The following KIF19 variants were observed in gnomAD, a reference collection of about 807,000 sequenced individuals.
The protein encoded by KIF19 is kinesin-like protein KIF19.
A neutral mutation model predicts 106.6 loss-of-function variants in KIF19; 98 were observed. The observed-to-expected ratio is 0.92, with a 90% confidence interval of 0.78 to 1.09. The LOEUF (loss-of-function observed/expected upper bound fraction) is 1.09, where lower values mean the gene tolerates loss of function less well. Among genes scored for constraint, KIF19 ranks in the 50% least tolerant of loss-of-function variants. The pLI is 0.00. For synonymous variants in KIF19, 516 were observed against 584.2 expected (o/e 0.88, Z 1.68); for missense variants, 1,373 against 1,414.3 (o/e 0.97, Z 0.47).
chr17:74,353,070 AG>A (rs2054765237), intron 15 of KIF19, 116 bp downstream of exon 15: 4 of 1,438,826 alleles, frequency 2.8e-6, no homozygotes, highest in Non-Finnish European at 2.9e-6. Context: ...CAGGTGGCCC[AG>A]GTCTGGAGCC....
chr17:74,330,728 T>G (rs923995813), intron 2 of KIF19, among the ~76,000 whole-genome samples: 1 of 152,208 alleles, frequency 6.6e-6, no homozygotes, highest in Non-Finnish European at 1.5e-5. Context: ...GGGCTCCCTC[T>G]CTGGGTCTGG....
chr17:74,346,786 G>A lies in KIF19; in HGVS notation c.924+262G>A, dbSNP rs374906257. 1.3e-5 allele frequency among the ~76,000 whole-genome samples: 2 copies of A among 152,228 alleles called. No individual in the cohort carries two copies. The highest frequency in any genetic ancestry group is 1.9e-4 in the East Asian group (1 of 5,204). On this transcript the variant is annotated intron_variant, in intron 8 of 19. Coordinates refer to ENST00000389916, the MANE Select transcript of KIF19 (RefSeq NM_153209.4). The surrounding 1 kb of genome is among the most constrained non-coding windows in gnomAD (Gnocchi z 4.6). ...AAAGGCTGGGCAATGGGAAGGAAAA[G>A]GAGCACGTGATACCCCCACCCAGGG... is the stretch of plus-strand genomic sequence containing the variant.
rs1229967317 is a variant in KIF19 at position 74,343,066 on chromosome 17, C to T, written c.362C>T (p.Pro121Leu). 6.2e-6 allele frequency: 10 copies of T among 1,613,024 alleles called. No homozygotes were observed. The highest frequency in any genetic ancestry group is 7.6e-6 in the Non-Finnish European group (9 of 1,179,754). Residue 121 changes from proline (P) to leucine (L), a missense_variant, in exon 5 of 20, where the codon CCT becomes CTT. Pro to Leu is a moderately conservative substitution (Grantham distance 98, BLOSUM62 -3). Transcript: ENST00000389916. ...TYTMLGTDQE[P>L]GIYVQTLNDL... Reference sequence around the variant, plus strand: ...ACCATGCTGGGCACAGACCAGGAGCCTGGCATCTATGTTCAGACCCTCAAC... The same window carrying T: ...ACCATGCTGGGCACAGACCAGGAGCTTGGCATCTATGTTCAGACCCTCAAC...
In KIF19 at chr17:74,339,286, GGCCCCAGTCC is replaced by G. The variant is rs200568097; in HGVS notation, c.121-2589_121-2580del. 3.7e-3 allele frequency among the ~76,000 whole-genome samples: 561 copies of G among 152,004 alleles called. 5 individuals are homozygous for G. Among genetic ancestry groups the G allele is most frequent in the African/African-American group, 0.013 (538 of 41,528 alleles). The stretch of plus-strand genomic sequence containing the variant: ...GCACCAGCTGGGACCCAGACTGCCA[GGCCCCAGTCC>G]TGGCTCTGCCATTTCCTAGCAACAT... On this transcript the variant is annotated intron_variant, in intron 2 of 19. Coordinates refer to ENST00000389916, the MANE Select transcript of KIF19 (RefSeq NM_153209.4).
At position 74,353,474 on chromosome 17, in the gene KIF19, C is replaced by G. The variant is rs1468845566; in HGVS notation, c.2221-20C>G. On this transcript the variant is annotated intron_variant, in intron 16 of 19. Transcript: ENST00000389916. ...TGCTGTGTTTAAGGGTTTCCTCCTC[C>G]CAACCACTCCACCCCACAGGCCCCG... is the stretch of plus-strand genomic sequence containing the variant. 1 of 1,611,230 alleles carries G rather than the reference C, an allele frequency of 6.2e-7. No individual in the cohort carries two copies. Among genetic ancestry groups the G allele is most frequent in the East Asian group, 2.2e-5 (1 of 44,886 alleles).
rs1162257121 is a variant in KIF19 at position 74,352,086 on chromosome 17, C to T, written c.1807C>T (p.His603Tyr). ...RHEAVRRLEQ[H>Y]RSLCDEIIQG... Reference sequence around the variant, plus strand: ...CGAGGCCGTGCGCCGCCTGGAGCAGCACCGCAGTCTCTGCGACGAGATTAT... The same window carrying T: ...CGAGGCCGTGCGCCGCCTGGAGCAGTACCGCAGTCTCTGCGACGAGATTAT... The change falls in exon 13 of 20, where the codon CAC becomes TAC. Residue 603 changes from histidine (H) to tyrosine (Y), a missense_variant. By Grantham distance (83) the His-to-Tyr change is moderately conservative. Coordinates refer to ENST00000389916, the MANE Select transcript of KIF19 (RefSeq NM_153209.4). 1 of 1,590,812 alleles carries T rather than the reference C, an allele frequency of 6.3e-7. No homozygotes were observed. Among genetic ancestry groups the T allele is most frequent in the Non-Finnish European group, 8.6e-7 (1 of 1,169,122 alleles).
chr17:74,341,840 C>G, intron 2 of KIF19, 36 bp from the exon 3 acceptor site: 1 of 1,502,776 alleles, frequency 6.7e-7, no homozygotes, highest in South Asian at 1.1e-5. Flanking sequence ...CCGGGGTTCC[C>G]AGGTGACCGT....
rs1388199802 is a variant in KIF19, at chr17:74,341,888, A to G, written c.133A>G (p.Met45Val). 4 of 1,613,510 alleles carry G rather than the reference A, an allele frequency of 2.5e-6. No individual in the cohort carries two copies. The highest frequency in any genetic ancestry group is 2.2e-5 in the South Asian group (2 of 91,086). Residue 45 changes from methionine to valine, a missense_variant, in exon 3 of 20, where the codon ATG (methionine) becomes GTG (valine). Met to Val is a conservative substitution (Grantham distance 21). Around this residue, in one of 3 missense-constraint regions of KIF19, gnomAD observed 348 missense variants for 389.5 expected, o/e 0.89. Coordinates refer to ENST00000389916, the MANE Select transcript of KIF19 (RefSeq NM_153209.4). Reference sequence around the variant, plus strand: ...GGGGACCTTGCAGATGGTGGTTCTCATGGACCCAATGGAGGATCCCGACGA... The same window carrying G: ...GGGGACCTTGCAGATGGTGGTTCTCGTGGACCCAATGGAGGATCCCGACGA... ...HKVDEQMVVL[M>V]DPMEDPDDIL...
chr17:74,341,321 A>C (rs889275027), intron 2 of KIF19, among the ~76,000 whole-genome samples: 2 of 152,166 alleles, frequency 1.3e-5, no homozygotes, highest in African/African-American at 4.8e-5. Flanking sequence ...CGTCTCAAAA[A>C]TAAATAAATA....
In KIF19 at chr17:74,341,883, T is replaced by C. The variant is rs367793373; in HGVS notation, c.128T>C (p.Val43Ala). The C allele has an allele frequency of 1.6e-4, 265 of 1,613,376 alleles. No homozygotes were observed. The highest frequency in any genetic ancestry group is 2.2e-4 in the Non-Finnish European group (255 of 1,179,638). The change falls in exon 3 of 20, where the codon GTT (valine) becomes GCT (alanine). Residue 43 changes from valine (V) to alanine (A), a missense_variant. By Grantham distance (64) the Val-to-Ala change is moderately conservative. Around this residue, in one of 3 missense-constraint regions of KIF19, gnomAD observed 348 missense variants for 389.5 expected, o/e 0.89. Transcript: ENST00000389916. ...CCTCTGGGGACCTTGCAGATGGTGG[T>C]TCTCATGGACCCAATGGAGGATCCC... ...IAHKVDEQMVVLMDPMEDPDD... is the reference protein window; with the variant it reads ...IAHKVDEQMVALMDPMEDPDD...
At chr17:74,344,643 C>T in intron 6 of KIF19, 118 bp from the exon 7 acceptor site, 2 of 1,111,868 alleles carry the variant, frequency 1.8e-6, no homozygotes, top group Non-Finnish European at 2.5e-6. Flanking sequence ...CCCACTCCAG[C>T]CTGCCCTTTC....
At position 74,352,806 on chromosome 17, in the gene KIF19, C is replaced by G. The variant is rs775869041; in HGVS notation, c.1981-15C>G. Reference sequence around the variant, plus strand: ...CAAATCTTCTAACTGTCCACCCTGGCTCCCTCCTCCCCAGGACAGCTCCTT... The same window carrying G: ...CAAATCTTCTAACTGTCCACCCTGGGTCCCTCCTCCCCAGGACAGCTCCTT... On this transcript the variant is annotated splice_polypyrimidine_tract_variant and intron_variant, in intron 14 of 19. Transcript: ENST00000389916. 1 of 1,613,864 alleles carries G rather than the reference C, an allele frequency of 6.2e-7. No homozygotes were observed. Among genetic ancestry groups the G allele is most frequent in the Admixed American group, 1.7e-5 (1 of 60,022 alleles).
rs1002385801 is a variant in KIF19, at chr17:74,349,124, G to T, written c.1048-60G>T. 5.8e-5 allele frequency: 92 copies of T among 1,587,724 alleles called. No individual in the cohort carries two copies. In the Admixed American group the frequency reaches 1.5e-3, roughly 27 times the overall value. On this transcript the variant is annotated intron_variant, in intron 9 of 19. Coordinates refer to ENST00000389916, the MANE Select transcript of KIF19 (RefSeq NM_153209.4). Reference sequence around the variant, plus strand: ...GGGGGAAGAAAGGCCCTGCAGGCAGGCCTCGGTGAGTGCACCTGGGGTGAC... The same window carrying T: ...GGGGGAAGAAAGGCCCTGCAGGCAGTCCTCGGTGAGTGCACCTGGGGTGAC...
In KIF19 at chr17:74,346,484, A is replaced by G. The variant is rs2054534689; in HGVS notation, c.884A>G (p.Tyr295Cys). 1.3e-6 allele frequency: 2 copies of G among 1,552,356 alleles called. No homozygotes were observed. The highest frequency in any genetic ancestry group is 1.7e-6 in the Non-Finnish European group (2 of 1,147,626). Residue 295 changes from tyrosine to cysteine, a missense_variant, in exon 8 of 20, where the codon TAC becomes TGC. Coordinates refer to ENST00000389916, the MANE Select transcript of KIF19 (RefSeq NM_153209.4). This position sits in a 1 kb window ranked among gnomAD's most constrained non-coding sequence, Gnocchi z 4.6. ...CTGAGCGACAAGGGTAGCAACAAGTACATCAACTATCGCGACAGCAAGCTC... is the reference window on the plus strand; with the variant it reads ...CTGAGCGACAAGGGTAGCAACAAGTGCATCAACTATCGCGACAGCAAGCTC... ...NALSDKGSNKYINYRDSKLTR... is the reference protein window; with the variant it reads ...NALSDKGSNKCINYRDSKLTR...
In KIF19 at chr17:74,350,445, G is replaced by A. The variant is rs755794426; in HGVS notation, c.1258G>A (p.Gly420Arg). 1.9e-6 allele frequency: 3 copies of A among 1,608,826 alleles called. No individual in the cohort carries two copies. The highest frequency in any genetic ancestry group is 2.5e-6 in the Non-Finnish European group (3 of 1,178,456). ...CGGGCAGGGTGAGAAGGCTGGCATG[G>A]GACAGCTTCGGGAGCAGCTCGCCAG... ...HSGQGEKAGMGQLREQLASAF... is the reference protein window; with the variant it reads ...HSGQGEKAGMRQLREQLASAF... The change falls in exon 11 of 20, where the codon GGA becomes AGA. Residue 420 changes from glycine (G) to arginine (R), a missense_variant. Gly to Arg is a moderately radical substitution (Grantham distance 125). Around this residue, in one of 3 missense-constraint regions of KIF19, gnomAD observed 1,020 missense variants for 1,008.2 expected, o/e 1.01. Coordinates refer to ENST00000389916, the MANE Select transcript of KIF19 (RefSeq NM_153209.4).
At chr17:74,347,204 C>T (rs988760719) in intron 8 of KIF19, among the ~76,000 whole-genome samples, 3 of 152,202 alleles carry the variant, frequency 2.0e-5, no homozygotes, top group South Asian at 2.1e-4. Context: ...ACCTAGAAGC[C>T]GGGGAGGTGG....
At chr17:74,330,437 G>T (rs2054046161) in intron 2 of KIF19, among the ~76,000 whole-genome samples, 1 of 152,198 alleles carries the variant, frequency 6.6e-6, no homozygotes, top group Non-Finnish European at 1.5e-5. Flanking sequence ...AATTCCCCAG[G>T]GCTGCTGGGT....
In KIF19 at chr17:74,335,232, C is replaced by A. The variant is rs182174527; in HGVS notation, c.121-6644C>A. Among the ~76,000 whole-genome samples, 20 of 152,334 alleles carry A rather than the reference C, an allele frequency of 1.3e-4. No individual in the cohort carries two copies. The East Asian group carries it at 3.9e-3, about 29-fold the overall frequency. ...GGTAGCGGCCAGGGATACTGCTCAA[C>A]ATTCTACAATGCACAGAACTGCCCC... On this transcript the variant is annotated intron_variant, in intron 2 of 19. Transcript: ENST00000389916.
At chr17:74,332,444 C>T (rs975730064) in intron 2 of KIF19, among the ~76,000 whole-genome samples, 1 of 152,070 alleles carries the variant, frequency 6.6e-6, no homozygotes, top group Non-Finnish European at 1.5e-5. Context: ...ACAGATCAAA[C>T]AGCCGTCTCC....
Sources: allele counts gnomAD v4.1 joint callset (sites outside exome capture counted in the v4.1 genomes callset), GRCh38; gene constraint gnomAD v4.1.1; regional missense constraint gnomAD v4.1.1; non-coding constraint Gnocchi (gnomAD v3.1); transcripts MANE v1.5; gene names NCBI Gene and HGNC (gene_info 2026-07-23, HGNC 2026-07-21).